GLUD1: variants seen among roughly 807,000 people sequenced by gnomAD.
GLUD1 encodes the protein glutamate dehydrogenase 1, mitochondrial.
In GLUD1, 22 loss-of-function variants were observed where a neutral mutation model predicts 56.0. The ratio of observed to expected loss-of-function variants is 0.39; its 90% confidence interval spans 0.28 to 0.56. GLUD1 has a LOEUF of 0.56. Ranked by LOEUF, GLUD1 falls within the 20% of genes least tolerant of loss-of-function variation. GLUD1 has a pLI of 0.58. For missense variants in GLUD1, 451 were observed against 732.0 expected, an observed-to-expected ratio of 0.62 and a Z score of 4.43; for synonymous variants, 223 against 269.9, an observed-to-expected ratio of 0.83 and a Z score of 1.70.
chr10:87,091,074 G>A (rs1012217978), intron 1 of GLUD1, among the ~76,000 whole-genome samples: 1 of 151,880 alleles, frequency 6.6e-6, no homozygotes. Context: ...ATTAATATAG[G>A]GTACACTTTT....
chr10:87,086,206 A>T (rs947972508), intron 1 of GLUD1, among the ~76,000 whole-genome samples: 5 of 152,182 alleles, frequency 3.3e-5, no homozygotes, highest in African/African-American at 9.7e-5. Context: ...CTGGATTTCC[A>T]ATTTCCCTAA....
At chr10:87,065,195 AG>A (rs555927133) in intron 5 of GLUD1, among the ~76,000 whole-genome samples, 76 of 142,794 alleles carry the variant, frequency 5.3e-4, no homozygotes, top group African/African-American at 1.9e-3. Context: ...TGGGAGGCTG[AG>A]GCAGGAGAAT....
intron 4 of GLUD1, among the ~76,000 whole-genome samples, chr10:87,069,514 C>CAAAAAAAAAAAAAAAAAAA (rs374019349): frequency 1.6e-5 from 1 of 62,620 alleles, no homozygotes; most frequent in Non-Finnish European, 3.3e-5. Context: ...GACTCTGTTT[C>CAAAAAAAAAAAAAAAAAAA]AAAAAAAAAA....
intron 10 of GLUD1, 129 bp downstream of exon 10, chr10:87,059,021 C>G: frequency 8.9e-7 from 1 of 1,118,148 alleles, no homozygotes. Context: ...TTTCATGAGA[C>G]AAAATATTAT....
chr10:87,082,203 G>A (rs1039237912), intron 1 of GLUD1, among the ~76,000 whole-genome samples: 3 of 152,134 alleles, frequency 2.0e-5, no homozygotes, highest in Admixed American at 1.3e-4. Context: ...CAAATGGCAA[G>A]CCTAATATTC....
chr10:87,078,306 C>T lies in GLUD1; in HGVS notation c.446-1650G>A, dbSNP rs529590775. 1.2e-4 allele frequency among the ~76,000 whole-genome samples: 18 copies of T among 152,278 alleles called. No individual in the cohort carries two copies. The East Asian group carries it at 2.7e-3, about 23-fold the overall frequency. On this transcript the variant is annotated intron_variant, in intron 1 of 12. Transcript: ENST00000277865. ...AGCAGATATCTGTATAGCTCACTCC[C>T]CCATTTCATTCAGGTCTCTGTTAAA...
intron 1 of GLUD1, among the ~76,000 whole-genome samples, chr10:87,078,818 C>T (rs1310644196): frequency 6.6e-6 from 1 of 152,118 alleles, no homozygotes; most frequent in African/African-American, 2.4e-5. Context: ...ATAGATTGCA[C>T]AGCATGGTGA....
chr10:87,092,849 C>T (rs1415837779), intron 1 of GLUD1, among the ~76,000 whole-genome samples: 7 of 152,200 alleles, frequency 4.6e-5, no homozygotes, highest in Non-Finnish European at 1.0e-4. Context: ...CCTCCAACAT[C>T]CTTATTTGCC....
chr10:87,051,801 T>C lies in GLUD1; in HGVS notation c.1627A>G (p.Ile543Val). Residue 543 changes from isoleucine (I) to valine (V), a missense_variant, in exon 13 of 13, where the codon ATT becomes GTT. Physicochemically the swap from Ile to Val is conservative, Grantham distance 29 (BLOSUM62 3). Coordinates refer to ENST00000277865, the MANE Select transcript of GLUD1 (RefSeq NM_005271.5). ...TTGTACACTTTGAAGACTTTCTCAA[T>C]GGCATTAACATAGGCAGCTGTTCTC... ...DLRTAAYVNAIEKVFKVYNEA... is the reference protein window; with the variant it reads ...DLRTAAYVNAVEKVFKVYNEA... 1.2e-6 allele frequency: 2 copies of C among 1,613,608 alleles called. No homozygotes were observed. Among genetic ancestry groups the C allele is most frequent in the Non-Finnish European group, 8.5e-7 (1 of 1,179,960 alleles).
chr10:87,091,582 C>A, intron 1 of GLUD1: 1 of 967,384 alleles, frequency 1.0e-6, no homozygotes, highest in Non-Finnish European at 1.2e-6. Context: ...CTTTCAAATC[C>A]TTAACACAGA....
chr10:87,060,344 A>C, intron 8 of GLUD1, 103 bp from the exon 9 acceptor site: 1 of 841,662 alleles, frequency 1.2e-6, no homozygotes, highest in Non-Finnish European at 2.1e-6. Flanking sequence ...TGTGGGGAGA[A>C]GCACAGTTTC....
At chr10:87,088,990 G>A (rs756891530) in intron 1 of GLUD1, among the ~76,000 whole-genome samples, 3 of 152,158 alleles carry the variant, frequency 2.0e-5, no homozygotes, top group Non-Finnish European at 2.9e-5. Context: ...TCGGAGTTGG[G>A]TGTAGGGGAA....
chr10:87,071,186 G>T (rs1589368506), intron 4 of GLUD1, among the ~76,000 whole-genome samples: 1 of 150,554 alleles, frequency 6.6e-6, no homozygotes, highest in Non-Finnish European at 1.5e-5. Context: ...TATTCTTTTT[G>T]TTTTTTTTTA....
chr10:87,087,498 TC>T (rs1030239166), intron 1 of GLUD1, among the ~76,000 whole-genome samples: 1 of 152,136 alleles, frequency 6.6e-6, no homozygotes, highest in African/African-American at 2.4e-5. Flanking sequence ...TGGTGACTAG[TC>T]CCCACCTTGA....
Position 87,061,042 on chromosome 10 carries a change from T to C in GLUD1, c.932A>G (p.Asn311Ser). Residue 311 changes from asparagine (N) to serine (S), a missense_variant, in exon 7 of 13, where the codon AAT (asparagine) becomes AGT (serine). Physicochemically the swap from Asn to Ser is conservative, Grantham distance 46. This residue lies in a region of GLUD1 where 248 missense variants were observed against 460.0 expected (regional missense o/e 0.54). Transcript: ENST00000277865. ...DKTFVVQGFG[N>S]VGLHSMRYLH... ...ATATCTCATAGAGTGTAGGCCCACA[T>C]TACCAAATCCCTGTGAAGAACAATT... 3 of 1,613,670 alleles carry C rather than the reference T, an allele frequency of 1.9e-6. No homozygotes were observed. Among genetic ancestry groups the C allele is most frequent in the Non-Finnish European group, 2.5e-6 (3 of 1,179,578 alleles).
intron 6 of GLUD1, 33 bp downstream of exon 6, chr10:87,062,620 AGTT>A: frequency 4.8e-6 from 7 of 1,444,438 alleles, no homozygotes; most frequent in Non-Finnish European, 6.8e-6. Flanking sequence ...AATGTCTATC[AGTT>A]ATTAAGGAAA....
chr10:87,076,006 C>T lies in GLUD1; in HGVS notation c.544G>A (p.Ala182Thr). The T allele has an allele frequency of 6.2e-7, 1 of 1,600,806 alleles. No homozygotes were observed. ...GGATTGATCTTAACACCAGCTTTAGCACCCCCAAACGGCACATCTGAAAGA... is the reference window on the plus strand; with the variant it reads ...GGATTGATCTTAACACCAGCTTTAGTACCCCCAAACGGCACATCTGAAAGA... The part of the protein sequence containing the change: ...CAVVDVPFGG[A>T]KAGVKINPKN... The change falls in exon 3 of 13, where the codon GCT becomes ACT. Residue 182 changes from alanine (A) to threonine (T), a missense_variant. Around this residue, in one of 4 missense-constraint regions of GLUD1, gnomAD observed 248 missense variants for 460.0 expected, o/e 0.54. Transcript: ENST00000277865.
chr10:87,088,132 T>C (rs1841427659), intron 1 of GLUD1, among the ~76,000 whole-genome samples: 2 of 151,036 alleles, frequency 1.3e-5, no homozygotes. Context: ...TGTCCTTGGT[T>C]TCCTTGAACT....
intron 12 of GLUD1, 119 bp from the exon 13 acceptor site, chr10:87,051,989 T>G: frequency 8.3e-7 from 1 of 1,208,214 alleles, no homozygotes; most frequent in Non-Finnish European, 1.2e-6. Context: ...AGGCAGGACT[T>G]GGGCAGCCAA....
Sources: gnomAD v4.1 joint callset for allele counts (sites outside exome capture counted in the v4.1 genomes callset) on GRCh38, gnomAD v4.1.1 for gene constraint, gnomAD v4.1.1 regional missense constraint, MANE v1.5 for transcripts, NCBI Gene and HGNC (gene_info 2026-07-23, HGNC 2026-07-21) for gene names.